The following ANGPT2 variants were observed in gnomAD, a reference collection of about 807,000 sequenced individuals.
ANGPT2 encodes the protein angiopoietin 2.
Under a neutral mutation model 62.9 loss-of-function variants are expected in ANGPT2, and 28 were observed. That is an observed-to-expected ratio of 0.44 (90% CI 0.33 to 0.61). The LOEUF is 0.61. Ranked by LOEUF, ANGPT2 falls within the 20% of genes least tolerant of loss-of-function variation. ANGPT2 has a pLI of 0.03. For synonymous variants in ANGPT2, 284 were observed against 207.8 expected, an observed-to-expected ratio of 1.37 and a Z score of -3.15; for missense variants, 727 against 594.9, an observed-to-expected ratio of 1.22 and a Z score of -2.31.
chr8:6,559,555 GCA>G (rs1825195846), intron 1 of ANGPT2, among the ~76,000 whole-genome samples: 1 of 152,116 alleles, frequency 6.6e-6, no homozygotes, highest in Non-Finnish European at 1.5e-5. Context: ...TCCGTAGTAG[GCA>G]TCAACTTTAT....
chr8:6,557,784 G>T (rs577451241), intron 1 of ANGPT2, among the ~76,000 whole-genome samples: 140 of 151,972 alleles, frequency 9.2e-4, no homozygotes, highest in African/African-American at 3.3e-3. Flanking sequence ...AAACATCCTG[G>T]AAATTGTGAA....
chr8:6,532,568 T>C, intron 1 of ANGPT2, 81 bp from the exon 2 acceptor site: 1 of 794,116 alleles, frequency 1.3e-6, no homozygotes, highest in Non-Finnish European at 1.7e-6. Flanking sequence ...GTCTCCTCCC[T>C]ATCTTTAAAA....
At chr8:6,533,173 C>G (rs1188048182) in intron 1 of ANGPT2, among the ~76,000 whole-genome samples, 1 of 152,218 alleles carries the variant, frequency 6.6e-6, no homozygotes, top group Admixed American at 6.5e-5. Context: ...CATTTATCAC[C>G]TAACGTGCCA....
chr8:6,553,692 C>T (rs3020227), intron 1 of ANGPT2, among the ~76,000 whole-genome samples: 19,569 of 150,560 alleles, frequency 0.13, 3,530 homozygotes, highest in African/African-American at 0.41. Flanking sequence ...TACCTCTCCC[C>T]TTTTCCTTCT....
chr8:6,543,080 C>T (rs949041003), intron 1 of ANGPT2, among the ~76,000 whole-genome samples: 6 of 152,116 alleles, frequency 3.9e-5, no homozygotes, highest in Non-Finnish European at 8.8e-5. Flanking sequence ...GGTCCCACTG[C>T]CTCTGGACAG....
rs1563305309 is a variant in ANGPT2 at position 6,505,263 on chromosome 8, T to TATAC, written c.1328-2003_1328-2002insGTAT. On this transcript the variant is annotated intron_variant, in intron 8 of 8. Coordinates refer to ENST00000629816, the MANE Select transcript of ANGPT2 (RefSeq NM_001118887.2). ...GAATATATATTCTTTATATATGTTT[T>TATAC]ATATATATGTATACATATATATGTT... is the stretch of plus-strand genomic sequence containing the variant. Among the ~76,000 whole-genome samples the TATAC allele has an allele frequency of 6.3e-4, 49 of 77,996 alleles. 12 individuals are homozygous for TATAC. The highest frequency in any genetic ancestry group is 2.2e-3 in the African/African-American group (48 of 21,676). 51.2% of individuals were successfully genotyped at this position (77,996 alleles called of 152,430 possible). A position where few individuals can be genotyped will look rare whatever the true frequency, so the allele number is the denominator to read the frequency against.
intron 1 of ANGPT2, among the ~76,000 whole-genome samples, chr8:6,551,524 G>A (rs1823650849): frequency 6.6e-6 from 1 of 152,186 alleles, no homozygotes; most frequent in Non-Finnish European, 1.5e-5. Flanking sequence ...ATCACCAGTT[G>A]TTGTTTGAGG....
rs1812292066 is a variant in ANGPT2 at position 6,501,983 on chromosome 8, A to G, written c.*1118T>C. On this transcript the variant is annotated 3_prime_UTR_variant, in exon 9 of 9. Coordinates refer to ENST00000629816, the MANE Select transcript of ANGPT2 (RefSeq NM_001118887.2). Reference sequence around the variant, plus strand: ...ATAAAAAAACTTACTAGTGTCAATTATTTTTTTCCTTAAGTAAATTTAAGG... The same window carrying G: ...ATAAAAAAACTTACTAGTGTCAATTGTTTTTTTCCTTAAGTAAATTTAAGG... The G allele has an allele frequency of 6.9e-6, 1 of 145,706 alleles. No individual in the cohort carries two copies. Among genetic ancestry groups the G allele is most frequent in the East Asian group, 2.0e-4 (1 of 4,932 alleles). The allele number at this position is 145,706 out of a possible 1,614,324, so 9.0% of individuals were successfully genotyped here.
intron 4 of ANGPT2, 52 bp from the exon 5 acceptor site, chr8:6,520,043 G>A (rs373059384): frequency 6.3e-7 from 1 of 1,593,512 alleles, no homozygotes; most frequent in Middle Eastern, 1.7e-4. Context: ...AAAAGACAAA[G>A]ACTTGTTATT....
At chr8:6,509,591 G>A (rs1001787639) in intron 7 of ANGPT2, among the ~76,000 whole-genome samples, 1 of 152,042 alleles carries the variant, frequency 6.6e-6, no homozygotes, top group African/African-American at 2.4e-5. Flanking sequence ...GTATAGTAGG[G>A]TAATGTAATT....
At position 6,500,018 on chromosome 8, in the gene ANGPT2, C is replaced by A. The variant is rs1035427928; in HGVS notation, c.*3083G>T. 1 of 1,102,842 alleles carries A rather than the reference C, an allele frequency of 9.1e-7. No homozygotes were observed. The highest frequency in any genetic ancestry group is 1.4e-6 in the Non-Finnish European group (1 of 718,594). 68.3% of individuals were successfully genotyped at this position (1,102,842 alleles called of 1,614,324 possible). ...CATAAGGGTGGACTTAAGTTTTTAT[C>A]CAGTCAAGCACAATTATGCCCATAA... is the stretch of plus-strand genomic sequence containing the variant. On this transcript the variant is annotated 3_prime_UTR_variant, in exon 9 of 9. Coordinates refer to ENST00000629816, the MANE Select transcript of ANGPT2 (RefSeq NM_001118887.2).
intron 8 of ANGPT2, among the ~76,000 whole-genome samples, chr8:6,505,287 T>TA (rs554257480): frequency 2.6e-4 from 23 of 89,412 alleles, no homozygotes; most frequent in East Asian, 3.4e-4. Flanking sequence ...CATATATATG[T>TA]TATATACATA....
intron 1 of ANGPT2, among the ~76,000 whole-genome samples, chr8:6,543,245 T>C (rs1821928763): frequency 6.6e-6 from 1 of 152,198 alleles, no homozygotes; most frequent in African/African-American, 2.4e-5. Flanking sequence ...ACACGAAGAC[T>C]CAGCGGGAAC....
chr8:6,513,917 CAACTT>C (rs1815709412), intron 6 of ANGPT2, 73 bp from the exon 7 acceptor site: 10 of 1,361,320 alleles, frequency 7.3e-6, no homozygotes, highest in Admixed American at 2.1e-5. Flanking sequence ...GATAGTCCGT[CAACTT>C]AACATAGAAT....
chr8:6,519,528 A>G (rs1344448580), intron 5 of ANGPT2, among the ~76,000 whole-genome samples: 1 of 152,234 alleles, frequency 6.6e-6, no homozygotes, highest in Non-Finnish European at 1.5e-5. Flanking sequence ...CAGTTTTTGG[A>G]AGATACTTTC....
chr8:6,524,943 G>A (rs1818050013), intron 3 of ANGPT2, among the ~76,000 whole-genome samples: 1 of 152,336 alleles, frequency 6.6e-6, no homozygotes, highest in East Asian at 1.9e-4. Context: ...TGTGTCACAA[G>A]GGCAGACACC....
At chr8:6,552,689 A>G (rs1448160684) in intron 1 of ANGPT2, among the ~76,000 whole-genome samples, 2 of 152,194 alleles carry the variant, frequency 1.3e-5, no homozygotes, top group Non-Finnish European at 1.5e-5. Flanking sequence ...TGAAACACAT[A>G]ATAACCCTAC....
At chr8:6,510,262 G>C (rs1034308638) in intron 7 of ANGPT2, among the ~76,000 whole-genome samples, 1 of 152,012 alleles carries the variant, frequency 6.6e-6, no homozygotes, top group Non-Finnish European at 1.5e-5. Context: ...TCACGTAATG[G>C]GGTATGCCAT....
chr8:6,553,027 G>A (rs1445008023), intron 1 of ANGPT2, among the ~76,000 whole-genome samples: 1 of 152,132 alleles, frequency 6.6e-6, no homozygotes, highest in African/African-American at 2.4e-5. Flanking sequence ...ATGCTACAAT[G>A]GTGGATCCAT....
Sources: gnomAD v4.1 joint callset for allele counts (sites outside exome capture counted in the v4.1 genomes callset) on GRCh38, gnomAD v4.1.1 for gene constraint, MANE v1.5 for transcripts, NCBI Gene and HGNC (gene_info 2026-07-23, HGNC 2026-07-21) for gene names.